Variants in DDX10 observed in about 807,000 individuals in gnomAD.
The protein encoded by DDX10 is probable ATP-dependent RNA helicase DDX10.
In DDX10, 74 loss-of-function variants were observed where a neutral mutation model predicts 104.3. The observed-to-expected ratio is 0.71, with a 90% confidence interval of 0.59 to 0.86. The LOEUF (loss-of-function observed/expected upper bound fraction) is 0.86. Ranked by LOEUF, DDX10 falls within the 40% of genes least tolerant of loss-of-function variation. DDX10 has a pLI of 0.00. For synonymous variants in DDX10, 351 were observed against 353.4 expected (o/e 0.99, Z 0.08); for missense variants, 952 against 1,040.0 (o/e 0.92, Z 1.16).
intron 2 of DDX10, among the ~76,000 whole-genome samples, chr11:108,674,042 G>A (rs1425684261): frequency 2.0e-5 from 3 of 152,074 alleles, no homozygotes; most frequent in African/African-American, 4.8e-5. Flanking sequence ...GTATATATTT[G>A]GCCAGGTGTG....
chr11:108,838,949 A>G (rs73558632), intron 14 of DDX10, among the ~76,000 whole-genome samples: 4 of 152,288 alleles, frequency 2.6e-5, no homozygotes, highest in Non-Finnish European at 4.4e-5. Flanking sequence ...CACTTCCTCA[A>G]TTTTAAATGC....
intron 9 of DDX10, among the ~76,000 whole-genome samples, chr11:108,701,323 T>C (rs372108184): frequency 3.3e-5 from 5 of 152,230 alleles, no homozygotes; most frequent in African/African-American, 1.2e-4. Flanking sequence ...ACATGAAATC[T>C]TGGGGATGGT....
In DDX10 at chr11:108,723,163, A is replaced by G. The variant is rs1286172263; in HGVS notation, c.1666A>G (p.Met556Val). 2.5e-6 allele frequency: 4 copies of G among 1,613,888 alleles called. No individual in the cohort carries two copies. The highest frequency in any genetic ancestry group is 3.4e-6 in the Non-Finnish European group (4 of 1,179,888). The stretch of plus-strand genomic sequence containing the variant: ...ATTTAGAGCCTACTTCAATGAGAAA[A>G]TGTCCATCCTTCAAAAAGGTGGAAA... The part of the protein sequence containing the change: ...EEFRAYFNEK[M>V]SILQKGGKRL... Residue 556 changes from methionine to valine, a missense_variant, in exon 13 of 18, where the codon ATG (methionine) becomes GTG (valine). By Grantham distance (21) the Met-to-Val change is conservative. Coordinates refer to ENST00000322536, the MANE Select transcript of DDX10 (RefSeq NM_004398.4).
chr11:108,749,081 T>C (rs1476011208), intron 13 of DDX10, among the ~76,000 whole-genome samples: 1 of 151,568 alleles, frequency 6.6e-6, no homozygotes, highest in Admixed American at 6.6e-5. Context: ...TCTCTCTCTC[T>C]CTCTCTATAT....
chr11:108,920,730 C>T (rs1359693171), intron 17 of DDX10: 1 of 152,220 alleles, frequency 6.6e-6, no homozygotes, highest in Non-Finnish European at 1.5e-5. Flanking sequence ...ACACCTGGAT[C>T]CATGGACTAA....
At chr11:108,679,905 A>G (rs1453838895) in intron 6 of DDX10, among the ~76,000 whole-genome samples, 2 of 152,202 alleles carry the variant, frequency 1.3e-5, no homozygotes, top group Admixed American at 1.3e-4. Context: ...TTTTATTTCT[A>G]TTTCTCACAA....
chr11:108,728,301 C>A (rs922675591), intron 13 of DDX10, among the ~76,000 whole-genome samples: 1 of 151,990 alleles, frequency 6.6e-6, no homozygotes, highest in African/African-American at 2.4e-5. Context: ...TCTTGAGGGG[C>A]AGGGCGGGGG....
chr11:108,936,506 TATAAC>T (rs1864039518), intron 17 of DDX10, among the ~76,000 whole-genome samples: 1 of 152,142 alleles, frequency 6.6e-6, no homozygotes, highest in Non-Finnish European at 1.5e-5. Context: ...AGAAGACATA[TATAAC>T]AGCAAAAAGA....
At chr11:108,712,956 G>A (rs1409749567) in intron 10 of DDX10, among the ~76,000 whole-genome samples, 2 of 151,946 alleles carry the variant, frequency 1.3e-5, no homozygotes, top group Non-Finnish European at 2.9e-5. Flanking sequence ...CAGGCTGGTG[G>A]TTTTTCTCTC....
chr11:108,854,829 T>G (rs888738050), intron 16 of DDX10, among the ~76,000 whole-genome samples: 7 of 152,188 alleles, frequency 4.6e-5, no homozygotes, highest in Non-Finnish European at 1.0e-4. Flanking sequence ...AATTTTCAAT[T>G]TTAGAAATGA....
At chr11:108,716,676 T>C (rs2094291907) in intron 11 of DDX10, among the ~76,000 whole-genome samples, 1 of 152,246 alleles carries the variant, frequency 6.6e-6, no homozygotes, top group African/African-American at 2.4e-5. Context: ...AAATTATCTT[T>C]AGGAATGAGA....
chr11:108,848,878 C>T (rs1862754573), intron 15 of DDX10, among the ~76,000 whole-genome samples: 1 of 152,070 alleles, frequency 6.6e-6, no homozygotes. Flanking sequence ...TTATAAACTG[C>T]AAAGGGCAAT....
At chr11:108,808,275 A>G (rs1862127564) in intron 13 of DDX10, among the ~76,000 whole-genome samples, 1 of 151,880 alleles carries the variant, frequency 6.6e-6, no homozygotes, top group Non-Finnish European at 1.5e-5. Flanking sequence ...TACTTTGAGA[A>G]TGTAATATGT....
At position 108,861,120 on chromosome 11, in the gene DDX10, C is replaced by T. The variant is rs538575054; in HGVS notation, c.2304+8911C>T. 5.3e-5 allele frequency among the ~76,000 whole-genome samples: 8 copies of T among 150,352 alleles called. No homozygotes were observed. The South Asian group carries it at 1.3e-3, about 24-fold the overall frequency. On this transcript the variant is annotated intron_variant, in intron 16 of 17. Coordinates refer to ENST00000322536, the MANE Select transcript of DDX10 (RefSeq NM_004398.4). ...GCAAATTCACCCTTAATCTAGTAGG[C>T]GCAATCTAATCAGCTGCCAGCGAAT...
At chr11:108,801,106 G>T (rs1265492613) in intron 13 of DDX10, among the ~76,000 whole-genome samples, 1 of 152,182 alleles carries the variant, frequency 6.6e-6, no homozygotes, top group African/African-American at 2.4e-5. Flanking sequence ...AGGCCCTGTA[G>T]TTAGAATGTG....
Position 108,932,796 on chromosome 11 carries a change from A to G in DDX10, c.2451-7450A>G, listed in dbSNP as rs143262515. Reference sequence around the variant, plus strand: ...TTAGGTAGTTTGTGACAAAAATGAAAGTAATTTCAATTTTTACTTTTAATA... The same window carrying G: ...TTAGGTAGTTTGTGACAAAAATGAAGGTAATTTCAATTTTTACTTTTAATA... On this transcript the variant is annotated intron_variant, in intron 17 of 17. Transcript: ENST00000322536. 2.6e-5 allele frequency among the ~76,000 whole-genome samples: 4 copies of G among 152,146 alleles called. No individual in the cohort carries two copies. The East Asian group carries it at 7.7e-4, about 29-fold the overall frequency.
intron 16 of DDX10, among the ~76,000 whole-genome samples, chr11:108,898,585 T>C (rs1591116156): frequency 6.6e-6 from 1 of 151,902 alleles, no homozygotes; most frequent in East Asian, 1.9e-4. Context: ...AATATTCATG[T>C]TGAAAATACA....
At chr11:108,798,040 A>G (rs1048474464) in intron 13 of DDX10, among the ~76,000 whole-genome samples, 2 of 152,158 alleles carry the variant, frequency 1.3e-5, no homozygotes, top group Admixed American at 1.3e-4. Context: ...TAAAACTGTC[A>G]CTTGACTCCC....
intron 13 of DDX10, among the ~76,000 whole-genome samples, chr11:108,779,438 A>G (rs936872398): frequency 1.3e-5 from 2 of 152,184 alleles, no homozygotes; most frequent in Non-Finnish European, 2.9e-5. Context: ...TCACGAGGAC[A>G]GAAAACCAAA....
Sources: gnomAD v4.1 joint callset for allele counts (sites outside exome capture counted in the v4.1 genomes callset) on GRCh38, gnomAD v4.1.1 for gene constraint, MANE v1.5 for transcripts, NCBI Gene and HGNC (gene_info 2026-07-23, HGNC 2026-07-21) for gene names.